Variants in EFCAB5 observed in about 807,000 individuals in gnomAD.
EFCAB5 encodes EF-hand calcium-binding domain-containing protein 5.
Under a neutral mutation model 167.9 loss-of-function variants are expected in EFCAB5, and 131 were observed. That is an observed-to-expected ratio of 0.78 (90% CI 0.68 to 0.90). The LOEUF is 0.90. Among genes scored for constraint, EFCAB5 ranks in the 40% least tolerant of loss-of-function variants. The probability of loss-of-function intolerance (pLI) is 0.00; values close to 1 mark genes in which losing one functional copy is unlikely to be tolerated. For missense variants in EFCAB5, 1,663 were observed against 1,745.2 expected, an observed-to-expected ratio of 0.95 and a Z score of 0.84; for synonymous variants, 574 against 602.8, an observed-to-expected ratio of 0.95 and a Z score of 0.70.
chr17:30,090,034 C>A (rs988073872), intron 19 of EFCAB5, among the ~76,000 whole-genome samples: 5 of 152,198 alleles, frequency 3.3e-5, no homozygotes, highest in African/African-American at 1.2e-4. Flanking sequence ...GGCTCTGCTT[C>A]TAGGGAACCC....
At chr17:30,017,215 C>T (rs2069066786) in intron 7 of EFCAB5, among the ~76,000 whole-genome samples, 1 of 151,492 alleles carries the variant, frequency 6.6e-6, no homozygotes, top group Admixed American at 6.6e-5. Flanking sequence ...ACCAACCAAA[C>T]AAAAAACCAC....
chr17:30,031,776 C>G (rs1045779541), intron 7 of EFCAB5: 2 of 152,052 alleles, frequency 1.3e-5, no homozygotes, highest in Non-Finnish European at 2.9e-5. Context: ...AATTTCAGTA[C>G]TTTGAGAGGC....
chr17:30,005,080 C>T (rs2068748107), intron 7 of EFCAB5, among the ~76,000 whole-genome samples: 1 of 152,086 alleles, frequency 6.6e-6, no homozygotes, highest in Non-Finnish European at 1.5e-5. Context: ...AGAAATGGAA[C>T]AAATATGTTA....
At chr17:29,957,312 AT>A (rs1052614667) in intron 3 of EFCAB5, among the ~76,000 whole-genome samples, 13 of 151,406 alleles carry the variant, frequency 8.6e-5, no homozygotes, top group African/African-American at 2.7e-4. Flanking sequence ...ATGATGAGGG[AT>A]TTTTTTTTAA....
intron 1 of EFCAB5, among the ~76,000 whole-genome samples, chr17:29,931,335 G>T (rs557691169): frequency 2.0e-5 from 3 of 152,200 alleles, no homozygotes; most frequent in Non-Finnish European, 4.4e-5. Flanking sequence ...AACTGACAGG[G>T]CTGTCATGAG....
chr17:30,012,790 T>G (rs2068937867), intron 7 of EFCAB5, among the ~76,000 whole-genome samples: 1 of 152,154 alleles, frequency 6.6e-6, no homozygotes, highest in Admixed American at 6.5e-5. Context: ...CAGAATACCT[T>G]TTATTTCTTT....
intron 7 of EFCAB5, among the ~76,000 whole-genome samples, chr17:30,027,621 C>T (rs1012888919): frequency 2.0e-5 from 3 of 152,020 alleles, no homozygotes; most frequent in Non-Finnish European, 2.9e-5. Context: ...CGGCATGCAT[C>T]GAGGTATAGG....
chr17:30,000,096 A>G (rs1251871995), intron 7 of EFCAB5, 120 bp downstream of exon 7: 2 of 641,556 alleles, frequency 3.1e-6, no homozygotes, highest in Non-Finnish European at 2.6e-6. Context: ...TATTTTATAC[A>G]TTCTAAAATA....
intron 3 of EFCAB5, among the ~76,000 whole-genome samples, chr17:29,957,682 G>A (rs1331017643): frequency 6.6e-6 from 1 of 152,118 alleles, no homozygotes; most frequent in Non-Finnish European, 1.5e-5. Context: ...TGGCTGCATA[G>A]TATTCCATAG....
At chr17:29,938,407 G>T (rs556218780), upstream of EFCAB5, among the ~76,000 whole-genome samples, 3 of 152,206 alleles carry the variant, frequency 2.0e-5, no homozygotes, top group African/African-American at 4.8e-5. Flanking sequence ...TAACTGATCA[G>T]AGTAGTGGTT....
chr17:30,015,843 C>G (rs1424098366), intron 7 of EFCAB5, among the ~76,000 whole-genome samples: 1 of 150,864 alleles, frequency 6.6e-6, no homozygotes, highest in Non-Finnish European at 1.5e-5. Context: ...CTCACTGCAA[C>G]CTCTGCCTCA....
intron 8 of EFCAB5, among the ~76,000 whole-genome samples, chr17:30,046,116 A>C (rs2069921417): frequency 6.6e-6 from 1 of 152,228 alleles, no homozygotes. Context: ...CTTTGGAGGA[A>C]TTATTGACTA....
chr17:30,101,447 G>A (rs2071381745), intron 22 of EFCAB5, among the ~76,000 whole-genome samples: 1 of 152,228 alleles, frequency 6.6e-6, no homozygotes, highest in Non-Finnish European at 1.5e-5. Flanking sequence ...CAGCTGAGAT[G>A]GAGAACACGT....
Position 30,078,487 on chromosome 17 carries a change from T to G in EFCAB5, c.3010T>G (p.Phe1004Val), listed in dbSNP as rs148594585. 805 of 1,597,036 alleles carry G rather than the reference T, an allele frequency of 5.0e-4. 8 individuals carry two copies. The East Asian group carries it at 0.018, about 35-fold the overall frequency. Residue 1004 changes from phenylalanine to valine, a missense_variant, in exon 15 of 23, where the codon TTT becomes GTT. Physicochemically the swap from Phe to Val is conservative, Grantham distance 50. Transcript: ENST00000394835. ...CCTAGAGCCGGTGTATAGTGAGACCTTTAAGGCCCTCATGCAGGTACGTTT... is the reference window on the plus strand; with the variant it reads ...CCTAGAGCCGGTGTATAGTGAGACCGTTAAGGCCCTCATGCAGGTACGTTT... ...VSLEPVYSET[F>V]KALMQDAEAH...
chr17:29,986,758 C>T (rs1255983738), intron 4 of EFCAB5, among the ~76,000 whole-genome samples: 2 of 149,236 alleles, frequency 1.3e-5, no homozygotes, highest in South Asian at 2.1e-4. Flanking sequence ...CGCCATTCTC[C>T]TGCCTCAGCC....
chr17:30,053,729 C>T lies in EFCAB5; in HGVS notation c.1775C>T (p.Ser592Leu). 1 of 1,613,920 alleles carries T rather than the reference C, an allele frequency of 6.2e-7. No individual in the cohort carries two copies. Among genetic ancestry groups the T allele is most frequent in the Non-Finnish European group, 8.5e-7 (1 of 1,179,860 alleles). ...SIEGQGPRRV[S>L]VSEQGSSRES... is the part of the protein sequence containing the mutation. The stretch of plus-strand genomic sequence containing the variant: ...GAAGGACAAGGACCACGCAGAGTGT[C>T]AGTTTCAGAACAAGGATCAAGCAGA... Residue 592 changes from serine (S) to leucine (L), a missense_variant, in exon 10 of 23, where the codon TCA becomes TTA. Transcript: ENST00000394835.
chr17:30,024,063 A>G (rs1473768773), intron 7 of EFCAB5, among the ~76,000 whole-genome samples: 1 of 152,172 alleles, frequency 6.6e-6, no homozygotes, highest in Non-Finnish European at 1.5e-5. Context: ...TGACAAACCC[A>G]CAGCCAATAT....
intron 3 of EFCAB5, among the ~76,000 whole-genome samples, chr17:29,953,607 G>T (rs564924131): frequency 8.5e-5 from 13 of 152,314 alleles, no homozygotes; most frequent in African/African-American, 2.9e-4. Context: ...ATGGAACTGT[G>T]AGTCCATTAA....
chr17:30,059,472 G>T, intron 13 of EFCAB5, 73 bp from the exon 14 acceptor site: 1 of 1,427,410 alleles, frequency 7.0e-7, no homozygotes, highest in Non-Finnish European at 9.3e-7. Context: ...ACTTTTTTTG[G>T]AATAAACACA....
Sources: gnomAD v4.1 joint callset for allele counts (sites outside exome capture counted in the v4.1 genomes callset) on GRCh38, gnomAD v4.1.1 for gene constraint, MANE v1.5 for transcripts, NCBI Gene and HGNC (gene_info 2026-07-23, HGNC 2026-07-21) for gene names.